Variants in ALCAM observed in about 807,000 individuals in gnomAD.
The protein encoded by ALCAM is CD166 antigen.
In ALCAM, 30 loss-of-function variants were observed where a neutral mutation model predicts 70.9. That is an observed-to-expected ratio of 0.42 (90% CI 0.32 to 0.57). The LOEUF (loss-of-function observed/expected upper bound fraction) is 0.57. Ranked by LOEUF, ALCAM falls within the 20% of genes least tolerant of loss-of-function variation. ALCAM has a pLI of 0.11. For synonymous variants in ALCAM, 249 were observed against 242.5 expected, an observed-to-expected ratio of 1.03 and a Z score of -0.25; for missense variants, 591 against 695.1, an observed-to-expected ratio of 0.85 and a Z score of 1.68.
chr3:105,477,012 C>T (rs2152605892), intron 1 of ALCAM, among the ~76,000 whole-genome samples: 1 of 152,156 alleles, frequency 6.6e-6, no homozygotes, highest in East Asian at 1.9e-4. Context: ...GCTTCTTCCT[C>T]ATTTTTCCTC....
chr3:105,553,192 T>C (rs974831451), intron 14 of ALCAM: 4 of 774,098 alleles, frequency 5.2e-6, no homozygotes, highest in African/African-American at 3.7e-5. Flanking sequence ...TATATGATAT[T>C]ACAGATAGTA....
intron 7 of ALCAM, 148 bp downstream of exon 7, chr3:105,540,250 C>T (rs925403884): frequency 1.3e-6 from 1 of 768,010 alleles, no homozygotes; most frequent in Non-Finnish European, 1.9e-6. Context: ...TTTTCTGCAC[C>T]TGCCACTGTT....
chr3:105,489,941 T>C (rs1938538488), intron 1 of ALCAM, among the ~76,000 whole-genome samples: 1 of 152,242 alleles, frequency 6.6e-6, no homozygotes. Context: ...ACCTGTGTTA[T>C]TTTTCACATT....
In ALCAM at chr3:105,453,982, T is replaced by C. The variant is rs531704583; in HGVS notation, c.74-66085T>C. Among the ~76,000 whole-genome samples the C allele has an allele frequency of 7.2e-5, 11 of 152,314 alleles. No homozygotes were observed. The East Asian group carries it at 2.1e-3, about 29-fold the overall frequency. On this transcript the variant is annotated intron_variant, in intron 1 of 15. Transcript: ENST00000306107. ...TCAGGATACAGCTTCAAATTCTATATGTTTATTATTTTATTCAATTTTGTG... is the reference window on the plus strand; with the variant it reads ...TCAGGATACAGCTTCAAATTCTATACGTTTATTATTTTATTCAATTTTGTG...
At chr3:105,517,994 A>C (rs1434857941) in intron 1 of ALCAM, among the ~76,000 whole-genome samples, 1 of 152,170 alleles carries the variant, frequency 6.6e-6, no homozygotes, top group East Asian at 1.9e-4. Context: ...TTTGAAATTC[A>C]TAGAGCTTTA....
chr3:105,467,616 A>G (rs1052021089), intron 1 of ALCAM, among the ~76,000 whole-genome samples: 1 of 151,284 alleles, frequency 6.6e-6, no homozygotes, highest in Non-Finnish European at 1.5e-5. Context: ...ACTTAATTAG[A>G]AAAATATTAT....
intron 3 of ALCAM, chr3:105,525,066 A>T (rs1576221164): frequency 1.1e-6 from 1 of 904,504 alleles, no homozygotes; most frequent in Non-Finnish European, 1.3e-6. Flanking sequence ...TATATTAGAG[A>T]TATAGATACA....
chr3:105,415,162 T>C (rs888281965), intron 1 of ALCAM, among the ~76,000 whole-genome samples: 3 of 152,138 alleles, frequency 2.0e-5, no homozygotes, highest in Non-Finnish European at 4.4e-5. Flanking sequence ...CCCGTGCTTA[T>C]TTACTGAAAG....
intron 1 of ALCAM, among the ~76,000 whole-genome samples, chr3:105,490,655 G>A (rs1045239167): frequency 6.6e-6 from 1 of 152,178 alleles, no homozygotes; most frequent in South Asian, 2.1e-4. Flanking sequence ...CCCCATGCAA[G>A]TACAAACTCC....
At chr3:105,452,033 TCA>T (rs1230961421) in intron 1 of ALCAM, among the ~76,000 whole-genome samples, 1 of 152,138 alleles carries the variant, frequency 6.6e-6, no homozygotes, top group Non-Finnish European at 1.5e-5. Flanking sequence ...AATTTTACCT[TCA>T]CAGTTTCTTA....
intron 1 of ALCAM, among the ~76,000 whole-genome samples, chr3:105,371,528 T>C (rs1935232342): frequency 9.8e-6 from 1 of 102,364 alleles, no homozygotes; most frequent in Non-Finnish European, 2.0e-5. Context: ...TTTTTTTTTT[T>C]CTCTTTTTTC....
intron 1 of ALCAM, among the ~76,000 whole-genome samples, chr3:105,405,272 C>T (rs1267126839): frequency 1.4e-5 from 1 of 70,908 alleles, no homozygotes; most frequent in Admixed American, 1.9e-4. Context: ...AGCAAAACTT[C>T]GTCTCAAAAA....
intron 1 of ALCAM, among the ~76,000 whole-genome samples, chr3:105,421,599 A>G (rs1186338175): frequency 1.3e-5 from 2 of 151,472 alleles, no homozygotes; most frequent in African/African-American, 4.8e-5. Flanking sequence ...ACTACCCTGA[A>G]ATGTGGATTA....
intron 1 of ALCAM, among the ~76,000 whole-genome samples, chr3:105,445,154 T>G (rs1559793790): frequency 6.6e-6 from 1 of 152,152 alleles, no homozygotes; most frequent in Non-Finnish European, 1.5e-5. Context: ...TTTCTGAATA[T>G]TCAGATACAG....
chr3:105,457,898 C>T (rs1937554659), intron 1 of ALCAM, among the ~76,000 whole-genome samples: 1 of 152,168 alleles, frequency 6.6e-6, no homozygotes, highest in Non-Finnish European at 1.5e-5. Flanking sequence ...TTTGAAAACA[C>T]TGTTCAAAAA....
At position 105,371,229 on chromosome 3, in the gene ALCAM, A is replaced by G. The variant is rs570899384; in HGVS notation, c.73+3748A>G. Among the ~76,000 whole-genome samples, 181 of 152,290 alleles carry G rather than the reference A, an allele frequency of 1.2e-3. 1 individual carries two copies. Among genetic ancestry groups the G allele is most frequent in the Admixed American group, 0.01 (158 of 15,310 alleles). On this transcript the variant is annotated intron_variant, in intron 1 of 15. Transcript: ENST00000306107. ...ATTAGAAAAATTGTATATTGTAGTCAGTATTCATGTGTTCAGTTTCTAACT... is the reference window on the plus strand; with the variant it reads ...ATTAGAAAAATTGTATATTGTAGTCGGTATTCATGTGTTCAGTTTCTAACT...
At chr3:105,382,587 C>T (rs1234871661) in intron 1 of ALCAM, among the ~76,000 whole-genome samples, 1 of 152,016 alleles carries the variant, frequency 6.6e-6, no homozygotes, top group African/African-American at 2.4e-5. Flanking sequence ...TTCTCCACAT[C>T]CTCTCCAGCA....
In ALCAM at chr3:105,423,520, T is replaced by C. The variant is rs1261639379; in HGVS notation, c.73+56039T>C. ...AGGGAAAAAAAAAAAAAAGAAAACA[T>C]CATATAATCAGGTCTTCCTGAAATT... is the stretch of plus-strand genomic sequence containing the variant. On this transcript the variant is annotated intron_variant, in intron 1 of 15. Transcript: ENST00000306107. Among the ~76,000 whole-genome samples the C allele has an allele frequency of 3.9e-4, 58 of 149,854 alleles. 2 individuals carry two copies. The highest frequency in any genetic ancestry group is 3.9e-3 in the Admixed American group (58 of 15,000).
chr3:105,403,395 G>A (rs934565018), intron 1 of ALCAM, among the ~76,000 whole-genome samples: 1 of 152,110 alleles, frequency 6.6e-6, no homozygotes, highest in Admixed American at 6.6e-5. Flanking sequence ...ACCTGAAAAC[G>A]GATCACATCA....
Sources: gnomAD v4.1 joint callset for allele counts (sites outside exome capture counted in the v4.1 genomes callset) on GRCh38, gnomAD v4.1.1 for gene constraint, MANE v1.5 for transcripts, NCBI Gene and HGNC (gene_info 2026-07-23, HGNC 2026-07-21) for gene names.